Variants in CEP162 observed in about 807,000 individuals in gnomAD.
CEP162 encodes centrosomal protein of 162 kDa.
In CEP162, 141 loss-of-function variants were observed where a neutral mutation model predicts 169.2. The observed-to-expected ratio is 0.83, with a 90% CI of 0.73 to 0.96. The LOEUF (loss-of-function observed/expected upper bound fraction) is 0.96. Ranked by LOEUF, CEP162 falls within the 40% of genes least tolerant of loss-of-function variation. CEP162 has a pLI of 0.00. For synonymous variants in CEP162, 540 were observed against 526.4 expected, an observed-to-expected ratio of 1.03 and a Z score of -0.35; for missense variants, 1,600 against 1,587.2, an observed-to-expected ratio of 1.01 and a Z score of -0.14.
chr6:84,208,557 G>A (rs559380876), intron 6 of CEP162, among the ~76,000 whole-genome samples: 1 of 152,324 alleles, frequency 6.6e-6, no homozygotes, highest in South Asian at 2.1e-4. Context: ...GTGAAGAAAT[G>A]AATTTGAGAG....
At position 84,131,671 on chromosome 6, in the gene CEP162, TTTTG is replaced by T. The variant is rs547158400; in HGVS notation, c.3871-5163_3871-5160del. ...ACTAGGATTGCAACCGCTGCTTTTT[TTTTG>T]TTTTGTTTTCCATTTGCTTGGTAGA... On this transcript the variant is annotated intron_variant, in intron 25 of 26. Coordinates refer to ENST00000403245, the MANE Select transcript of CEP162 (RefSeq NM_014895.4). Among the ~76,000 whole-genome samples the T allele has an allele frequency of 6.3e-3, 948 of 151,214 alleles. 4 individuals carry two copies. The highest frequency in any genetic ancestry group is 0.022 in the African/African-American group (912 of 41,090).
At chr6:84,212,254 A>T (rs1354861214) in intron 6 of CEP162, among the ~76,000 whole-genome samples, 1 of 152,186 alleles carries the variant, frequency 6.6e-6, no homozygotes, top group East Asian at 1.9e-4. Context: ...GGGAATGGTA[A>T]ATATATGGAT....
At chr6:84,137,376 ACTAT>A (rs1409575021) in intron 25 of CEP162, among the ~76,000 whole-genome samples, 1 of 150,326 alleles carries the variant, frequency 6.7e-6, no homozygotes, top group African/African-American at 2.5e-5. Flanking sequence ...TGATCATTCC[ACTAT>A]CTGTTCATAA....
chr6:84,135,044 CAT>C (rs770839952), intron 25 of CEP162, among the ~76,000 whole-genome samples: 10 of 151,794 alleles, frequency 6.6e-5, no homozygotes, highest in Non-Finnish European at 1.0e-4. Flanking sequence ...TATGTACACA[CAT>C]GAGAACCATA....
At chr6:84,223,241 C>T (rs1437156502) in intron 2 of CEP162, among the ~76,000 whole-genome samples, 1 of 152,156 alleles carries the variant, frequency 6.6e-6, no homozygotes, top group Admixed American at 6.5e-5. Flanking sequence ...TGGCTCACAC[C>T]TGTAATCCCA....
intron 13 of CEP162, among the ~76,000 whole-genome samples, chr6:84,175,894 C>T (rs998439244): frequency 1.3e-5 from 2 of 151,780 alleles, no homozygotes; most frequent in Non-Finnish European, 2.9e-5. Context: ...ATTAACTCTG[C>T]TATAAAAACT....
rs114771263 is a variant in CEP162, at chr6:84,196,984, C to T, written c.836-1909G>A. 3.4e-3 allele frequency among the ~76,000 whole-genome samples: 524 copies of T among 152,164 alleles called. 3 individuals carry two copies. Among genetic ancestry groups the T allele is most frequent in the African/African-American group, 0.012 (482 of 41,514 alleles). On this transcript the variant is annotated intron_variant, in intron 9 of 26. Coordinates refer to ENST00000403245, the MANE Select transcript of CEP162 (RefSeq NM_014895.4). ...ATGAGGAAAAAGGTCTTGCTTGCAG[C>T]ATGAATGAAAGAGGTCATTAATTTT... is the stretch of plus-strand genomic sequence containing the variant.
Position 84,124,953 on chromosome 6 carries a change from T to C in CEP162, c.*117A>G. The C allele has an allele frequency of 1.3e-6, 1 of 770,788 alleles. No homozygotes were observed. Among genetic ancestry groups the C allele is most frequent in the Non-Finnish European group, 2.1e-6 (1 of 472,332 alleles). 47.7% of individuals were successfully genotyped at this position (770,788 alleles called of 1,614,324 possible). A position where few individuals can be genotyped will look rare whatever the true frequency, so the allele number is the denominator to read the frequency against. On this transcript the variant is annotated 3_prime_UTR_variant, in exon 27 of 27. Transcript: ENST00000403245. ...ATTTATTTTGAAATGTTGCTTTGGT[T>C]GTTTGCTTTCTGGAAACATATTGGA...
At position 84,215,430 on chromosome 6, in the gene CEP162, C is replaced by T. The variant is rs201597217; in HGVS notation, c.355G>A (p.Gly119Arg). The T allele has an allele frequency of 1.5e-5, 24 of 1,606,216 alleles. No individual in the cohort carries two copies. Among genetic ancestry groups the T allele is most frequent in the South Asian group, 3.4e-5 (3 of 89,100 alleles). ...VVSELNHSSL[G>R]VGLDTLEEQE... The stretch of plus-strand genomic sequence containing the variant: ...TCTTCTAATGTGTCCAATCCCACTC[C>T]GAGACTACTATGGTTGAGCTCAGAA... The change falls in exon 5 of 27, where the codon GGA becomes AGA. Residue 119 changes from glycine (G) to arginine (R), a missense_variant. Gly to Arg is a moderately radical substitution (Grantham distance 125, BLOSUM62 -2). Transcript: ENST00000403245.
chr6:84,175,857 T>C (rs551801115), intron 13 of CEP162, among the ~76,000 whole-genome samples: 3 of 152,256 alleles, frequency 2.0e-5, no homozygotes, highest in East Asian at 1.9e-4. Flanking sequence ...GATTTTATAA[T>C]TGTTAATCTA....
chr6:84,152,556 G>A lies in CEP162; in HGVS notation c.3618C>T (p.Asn1206=), dbSNP rs751103877. 4 of 1,480,300 alleles carry A rather than the reference G, an allele frequency of 2.7e-6. No homozygotes were observed. Among genetic ancestry groups the A allele is most frequent in the Non-Finnish European group, 2.7e-6 (3 of 1,110,652 alleles). 91.7% of individuals were successfully genotyped at this position (1,480,300 alleles called of 1,614,324 possible). The change falls in exon 23 of 27, where the codon AAC becomes AAT. Residue 1206 remains asparagine (N), a synonymous_variant. Coordinates refer to ENST00000403245, the MANE Select transcript of CEP162 (RefSeq NM_014895.4). The part of the protein sequence containing the change: ...KSEAVMNQFE[N]SMRRVKEDTA... ...ATTTAACATTTTACCTTCTCATGGA[G>A]TTTTCAAATTGATTCATCACTGCTT...
chr6:84,225,087 T>G (rs2099555174), intron 2 of CEP162, among the ~76,000 whole-genome samples: 1 of 152,202 alleles, frequency 6.6e-6, no homozygotes, highest in African/African-American at 2.4e-5. Context: ...TTAACAAGAA[T>G]GTATAACGTA....
chr6:84,208,795 T>C (rs1478944750), intron 6 of CEP162, among the ~76,000 whole-genome samples: 2 of 152,248 alleles, frequency 1.3e-5, no homozygotes, highest in Non-Finnish European at 2.9e-5. Flanking sequence ...CTAATATCAG[T>C]AGACATATAG....
intron 2 of CEP162, among the ~76,000 whole-genome samples, chr6:84,222,367 A>G (rs1447333366): frequency 6.6e-6 from 1 of 151,644 alleles, no homozygotes; most frequent in East Asian, 1.9e-4. Context: ...ATCTGTGGCT[A>G]CTCCCCTCCA....
intron 25 of CEP162, among the ~76,000 whole-genome samples, chr6:84,135,167 C>A (rs1561999090): frequency 6.6e-6 from 1 of 152,048 alleles, no homozygotes; most frequent in Non-Finnish European, 1.5e-5. Flanking sequence ...ATTGCTAATA[C>A]TAATTATTAT....
At chr6:84,125,361 G>A in intron 26 of CEP162, 85 bp from the exon 27 acceptor site, 1 of 1,211,944 alleles carries the variant, frequency 8.3e-7, no homozygotes, top group Non-Finnish European at 1.2e-6. Flanking sequence ...AGGCAAACCT[G>A]GGGTTTCTTT....
chr6:84,186,432 G>A lies in CEP162; in HGVS notation c.1301C>T (p.Thr434Ile), dbSNP rs930164549. The stretch of plus-strand genomic sequence containing the variant: ...TTTATCAACATGTTCTTCTGTGGCA[G>A]TTACTTCAGTTACTTGTGGACAGCT... ...ENSCPQVTEV[T>I]ATEEHVDKMY... Residue 434 changes from threonine (T) to isoleucine (I), a missense_variant, in exon 12 of 27, where the codon ACT becomes ATT. By Grantham distance (89) the Thr-to-Ile change is moderately conservative (BLOSUM62 -1). Transcript: ENST00000403245. 3.7e-6 allele frequency: 6 copies of A among 1,605,886 alleles called. No homozygotes were observed. The highest frequency in any genetic ancestry group is 4.3e-6 in the Non-Finnish European group (5 of 1,172,852).
intron 13 of CEP162, among the ~76,000 whole-genome samples, chr6:84,177,404 T>C (rs2099532849): frequency 6.6e-6 from 1 of 152,196 alleles, no homozygotes; most frequent in Non-Finnish European, 1.5e-5. Context: ...CAAAGAGAGA[T>C]TAAGGAACTA....
Position 84,152,940 on chromosome 6 carries a change from C to CA in CEP162, c.3233dup (p.Glu1079GlyfsTer6), listed in dbSNP as rs1334574858. On this transcript the variant is annotated frameshift_variant, in exon 23 of 27. Transcript: ENST00000403245. LOFTEE classifies it high-confidence loss of function. ...ATTTAGCTTTAGCATGAGCCTGTTC[C>CA]ACCTGGAATTCTATAGACTGAAAAT... The CA allele has an allele frequency of 6.2e-7, 1 of 1,613,586 alleles. No homozygotes were observed. The highest frequency in any genetic ancestry group is 1.3e-5 in the African/African-American group (1 of 74,904).
Sources: allele counts gnomAD v4.1 joint callset (sites outside exome capture counted in the v4.1 genomes callset), GRCh38; gene constraint gnomAD v4.1.1; transcripts MANE v1.5; gene names NCBI Gene and HGNC (gene_info 2026-07-23, HGNC 2026-07-21).